The following PDE3B variants were observed in gnomAD, a reference collection of about 807,000 sequenced individuals.
PDE3B encodes cGMP-inhibited 3',5'-cyclic phosphodiesterase 3B.
A neutral mutation model predicts 116.8 loss-of-function variants in PDE3B; 66 were observed. The observed-to-expected ratio is 0.56, with a 90% CI of 0.46 to 0.69. The LOEUF (loss-of-function observed/expected upper bound fraction) is 0.69, where lower values mean the gene tolerates loss of function less well. Ranked by LOEUF, PDE3B falls within the 30% of genes least tolerant of loss-of-function variation. The pLI is 0.00. For missense variants in PDE3B, 1,384 were observed against 1,368.1 expected, an observed-to-expected ratio of 1.01 and a Z score of -0.18; for synonymous variants, 595 against 533.6, an observed-to-expected ratio of 1.12 and a Z score of -1.59.
At chr11:14,825,673 C>T (rs1467868000) in intron 7 of PDE3B, among the ~76,000 whole-genome samples, 1 of 152,108 alleles carries the variant, frequency 6.6e-6, no homozygotes, top group Non-Finnish European at 1.5e-5. Context: ...CCTTAGACTC[C>T]CACACAATAA....
chr11:14,841,331 C>T (rs1253116045), intron 11 of PDE3B, among the ~76,000 whole-genome samples: 1 of 147,172 alleles, frequency 6.8e-6, no homozygotes, highest in Non-Finnish European at 1.5e-5. Context: ...CTCTCTCTCT[C>T]CCTCTCTCTC....
chr11:14,881,433 T>G, the PDE3B span, among the ~76,000 whole-genome samples: 2 of 152,114 alleles, frequency 1.3e-5, no homozygotes, highest in Non-Finnish European at 2.9e-5. Context: ...TTTTCTCCCT[T>G]AAATTAATTC....
chr11:14,758,764 TCTC>T (rs1451458848), intron 1 of PDE3B, among the ~76,000 whole-genome samples: 1 of 151,692 alleles, frequency 6.6e-6, no homozygotes, highest in African/African-American at 2.4e-5. Flanking sequence ...GGACAATCCT[TCTC>T]CTGCCTAATT....
At chr11:14,800,018 T>C (rs1858697539) in intron 4 of PDE3B, among the ~76,000 whole-genome samples, 1 of 152,174 alleles carries the variant, frequency 6.6e-6, no homozygotes, top group Non-Finnish European at 1.5e-5. Context: ...AGTTTCTTAG[T>C]AGTGTTGATG....
intron 1 of PDE3B, among the ~76,000 whole-genome samples, chr11:14,678,697 G>T (rs1854603759): frequency 6.6e-6 from 1 of 152,124 alleles, no homozygotes; most frequent in Non-Finnish European, 1.5e-5. Context: ...TTTTCTTCCA[G>T]TTTGTAGCTT....
chr11:14,712,968 C>T (rs767125466), intron 1 of PDE3B, among the ~76,000 whole-genome samples: 1 of 152,134 alleles, frequency 6.6e-6, no homozygotes, highest in Non-Finnish European at 1.5e-5. Flanking sequence ...TAATATATCT[C>T]ATAAAGTTGT....
At chr11:14,811,153 G>T (rs1420439451) in intron 5 of PDE3B, among the ~76,000 whole-genome samples, 3 of 152,084 alleles carry the variant, frequency 2.0e-5, no homozygotes, top group African/African-American at 7.2e-5. Context: ...CTTTTGCTGT[G>T]CAGAAGCTCT....
chr11:14,791,640 A>G (rs1858395860), intron 4 of PDE3B, among the ~76,000 whole-genome samples: 1 of 152,074 alleles, frequency 6.6e-6, no homozygotes, highest in Non-Finnish European at 1.5e-5. Context: ...TACTTGGGCT[A>G]TTGAATTAGC....
rs887027415 is a variant in PDE3B, at chr11:14,657,940, C to T, written c.978+12887C>T. On this transcript the variant is annotated intron_variant, in intron 1 of 15. Coordinates refer to ENST00000282096, the MANE Select transcript of PDE3B (RefSeq NM_000922.4). ...TGTTATTCGAAGGCATGGCTTGTAT[C>T]AGTAGATAGTTTTGCTTTCTAATAC... Among the ~76,000 whole-genome samples the T allele has an allele frequency of 2.0e-5, 3 of 152,210 alleles. No homozygotes were observed. The East Asian group carries it at 5.8e-4, about 29-fold the overall frequency.
At chr11:14,730,445 T>G (rs1231534810) in intron 1 of PDE3B, among the ~76,000 whole-genome samples, 3 of 152,222 alleles carry the variant, frequency 2.0e-5, no homozygotes, top group Non-Finnish European at 4.4e-5. Flanking sequence ...AGCATCTAAG[T>G]TCTTTCCATT....
chr11:14,673,779 C>T (rs1193149657), intron 1 of PDE3B: 3 of 794,792 alleles, frequency 3.8e-6, no homozygotes, highest in Non-Finnish European at 6.9e-6. Flanking sequence ...ATGTGGCACT[C>T]CATACACCTG....
intron 1 of PDE3B, chr11:14,673,900 C>T: frequency 1.4e-6 from 2 of 1,441,314 alleles, no homozygotes; most frequent in Non-Finnish European, 2.0e-6. Context: ...TTTATCCCTG[C>T]CACAACTTCA....
At chr11:14,869,014 C>T (rs1212146741) in intron 15 of PDE3B, among the ~76,000 whole-genome samples, 1 of 151,454 alleles carries the variant, frequency 6.6e-6, no homozygotes, top group African/African-American at 2.4e-5. Flanking sequence ...GAGCAAGACT[C>T]CGTCTCAAAA....
chr11:14,827,062 C>T (rs1859715367), intron 7 of PDE3B, among the ~76,000 whole-genome samples: 1 of 152,134 alleles, frequency 6.6e-6, no homozygotes, highest in South Asian at 2.1e-4. Context: ...GAACTAAAGA[C>T]AAAAGCCACA....
chr11:14,888,241 A>G, the PDE3B span, among the ~76,000 whole-genome samples: 3 of 152,162 alleles, frequency 2.0e-5, no homozygotes, highest in Admixed American at 2.0e-4. Context: ...TCTTCCCCCA[A>G]CTAGAATATA....
At chr11:14,700,693 C>T (rs749396659) in intron 1 of PDE3B, 3 of 151,644 alleles carry the variant, frequency 2.0e-5, no homozygotes, top group Non-Finnish European at 4.4e-5. Context: ...TGTGGGAAGC[C>T]GTTGCAAGCA....
intron 1 of PDE3B, among the ~76,000 whole-genome samples, chr11:14,697,284 G>A (rs1565096584): frequency 1.3e-5 from 2 of 151,996 alleles, no homozygotes; most frequent in Non-Finnish European, 1.5e-5. Flanking sequence ...TTTGTTCATG[G>A]TGTGCAATTG....
chr11:14,712,315 C>A (rs949723285), intron 1 of PDE3B, among the ~76,000 whole-genome samples: 8 of 152,020 alleles, frequency 5.3e-5, no homozygotes, highest in African/African-American at 1.9e-4. Flanking sequence ...GAACTCCTGG[C>A]CTCAAGCAAT....
At chr11:14,658,584 T>G (rs1853789256) in intron 1 of PDE3B, among the ~76,000 whole-genome samples, 1 of 152,170 alleles carries the variant, frequency 6.6e-6, no homozygotes, top group Admixed American at 6.5e-5. Context: ...CTTGAACTCT[T>G]GACCTCGTGA....
Sources: allele counts gnomAD v4.1 joint callset (sites outside exome capture counted in the v4.1 genomes callset), GRCh38; gene constraint gnomAD v4.1.1; transcripts MANE v1.5; gene names NCBI Gene and HGNC (gene_info 2026-07-23, HGNC 2026-07-21).